CDH12: variants seen among roughly 807,000 people sequenced by gnomAD.
CDH12 encodes cadherin 12.
CDH12 carries 41 observed loss-of-function variants against 74.1 expected under a neutral mutation model. The ratio of observed to expected loss-of-function variants is 0.55; its 90% CI spans 0.43 to 0.72. The LOEUF (loss-of-function observed/expected upper bound fraction) is 0.72. Ranked by LOEUF, CDH12 falls within the 30% of genes least tolerant of loss-of-function variation. CDH12 has a pLI of 0.00. For missense variants in CDH12, 945 were observed against 977.2 expected, an observed-to-expected ratio of 0.97 and a Z score of 0.44; for synonymous variants, 399 against 355.0, an observed-to-expected ratio of 1.12 and a Z score of -1.39.
At chr5:22,565,369 T>A (rs1739238693) in intron 1 of CDH12, among the ~76,000 whole-genome samples, 1 of 152,196 alleles carries the variant, frequency 6.6e-6, no homozygotes, top group African/African-American at 2.4e-5. Flanking sequence ...ACCAACAGGG[T>A]AATAAGGTTC....
chr5:22,201,210 T>C (rs527381415), intron 4 of CDH12, among the ~76,000 whole-genome samples: 43 of 152,298 alleles, frequency 2.8e-4, no homozygotes, highest in Non-Finnish European at 5.3e-4. Flanking sequence ...GATGCAGCCA[T>C]ATTCACCATA....
At chr5:22,767,942 T>A (rs1403714985) in intron 1 of CDH12, among the ~76,000 whole-genome samples, 1 of 151,978 alleles carries the variant, frequency 6.6e-6, no homozygotes, top group East Asian at 1.9e-4. Context: ...TGGTCTATGA[T>A]TAAAGAGAAG....
intron 1 of CDH12, among the ~76,000 whole-genome samples, chr5:22,739,982 A>C (rs17358356): frequency 0.31 from 46,633 of 151,918 alleles, 7,418 homozygotes; most frequent in Non-Finnish European, 0.36. Flanking sequence ...CCTCTTGCTC[A>C]AGGACTAATG....
chr5:22,555,489 G>A (rs921552618), intron 1 of CDH12, among the ~76,000 whole-genome samples: 3 of 151,824 alleles, frequency 2.0e-5, no homozygotes, highest in African/African-American at 7.2e-5. Context: ...CCAATATTTT[G>A]TTCTTCCAGA....
rs187236354 is a variant in CDH12, at chr5:21,793,275, A to G, written c.1256+8892T>C. ...AATTGGTGTTAACAGTTTCTCTCAAATGAGAATAGCAAACAAACTATTTTG... is the reference window on the plus strand; with the variant it reads ...AATTGGTGTTAACAGTTTCTCTCAAGTGAGAATAGCAAACAAACTATTTTG... On this transcript the variant is annotated intron_variant, in intron 10 of 14. Transcript: ENST00000382254. Among the ~76,000 whole-genome samples, 687 of 151,792 alleles carry G rather than the reference A, an allele frequency of 4.5e-3. 4 individuals carry two copies. Among genetic ancestry groups the G allele is most frequent in the African/African-American group, 9.4e-3 (389 of 41,498 alleles).
chr5:22,088,352 C>G (rs1240842325), intron 4 of CDH12, among the ~76,000 whole-genome samples: 3 of 152,094 alleles, frequency 2.0e-5, no homozygotes, highest in Non-Finnish European at 4.4e-5. Context: ...TCCCCAGCCC[C>G]TCTCAGAGGA....
intron 3 of CDH12, among the ~76,000 whole-genome samples, chr5:22,227,590 T>C (rs879674390): frequency 1.3e-5 from 2 of 152,176 alleles, no homozygotes; most frequent in Non-Finnish European, 2.9e-5. Flanking sequence ...GAGAAAATTA[T>C]CTTGCATGAG....
At chr5:22,772,541 G>T (rs1290320205) in intron 1 of CDH12, among the ~76,000 whole-genome samples, 1 of 152,064 alleles carries the variant, frequency 6.6e-6, no homozygotes, top group Non-Finnish European at 1.5e-5. Flanking sequence ...TCAAAATGGG[G>T]TGTCGTTTTC....
chr5:22,666,579 C>T (rs1011004752), intron 1 of CDH12, among the ~76,000 whole-genome samples: 3 of 151,980 alleles, frequency 2.0e-5, no homozygotes, highest in Non-Finnish European at 4.4e-5. Context: ...CTTGAGCCAC[C>T]GCGCCCGGCC....
chr5:21,938,968 C>G (rs181703327), intron 6 of CDH12, among the ~76,000 whole-genome samples: 3,433 of 150,164 alleles, frequency 0.023, 143 homozygotes, highest in African/African-American at 0.08. Flanking sequence ...CACATGGGCA[C>G]AAAGATGTAT....
chr5:22,445,172 TA>T (rs2126549590), intron 2 of CDH12, among the ~76,000 whole-genome samples: 1 of 152,210 alleles, frequency 6.6e-6, no homozygotes, highest in East Asian at 1.9e-4. Flanking sequence ...AACCAATTTA[TA>T]GGAAACACAA....
chr5:22,219,766 G>A (rs962960770), intron 3 of CDH12, among the ~76,000 whole-genome samples: 1 of 151,546 alleles, frequency 6.6e-6, no homozygotes, highest in Non-Finnish European at 1.5e-5. Context: ...ATGAATCCTT[G>A]GGCTCGTTGC....
chr5:22,224,666 C>A (rs1752133693), intron 3 of CDH12, among the ~76,000 whole-genome samples: 1 of 151,886 alleles, frequency 6.6e-6, no homozygotes, highest in Non-Finnish European at 1.5e-5. Context: ...ACCTATGGGC[C>A]ACAATTTATC....
intron 2 of CDH12, among the ~76,000 whole-genome samples, chr5:22,472,811 C>T (rs1199458046): frequency 1.3e-5 from 2 of 152,064 alleles, no homozygotes; most frequent in Non-Finnish European, 2.9e-5. Flanking sequence ...AGCCATCTAC[C>T]AAGTCTTCCT....
At chr5:22,357,037 A>T (rs1219401368) in intron 3 of CDH12, among the ~76,000 whole-genome samples, 3 of 152,128 alleles carry the variant, frequency 2.0e-5, no homozygotes, top group African/African-American at 4.8e-5. Flanking sequence ...AATTAGGTGT[A>T]GCAATTTATC....
At chr5:22,459,713 G>A (rs1745423405) in intron 2 of CDH12, among the ~76,000 whole-genome samples, 1 of 152,088 alleles carries the variant, frequency 6.6e-6, no homozygotes, top group African/African-American at 2.4e-5. Flanking sequence ...AGTGGCTCAC[G>A]CTTGTAATCC....
intron 1 of CDH12, among the ~76,000 whole-genome samples, chr5:22,752,281 A>T (rs915430759): frequency 6.6e-6 from 1 of 152,108 alleles, no homozygotes; most frequent in Non-Finnish European, 1.5e-5. Context: ...ATTATAAGAA[A>T]AAAACCCTTA....
intron 8 of CDH12, among the ~76,000 whole-genome samples, chr5:21,823,244 A>T (rs1432419005): frequency 6.6e-6 from 1 of 152,122 alleles, no homozygotes. Flanking sequence ...TTAAACTGAG[A>T]ATCCGAGCTG....
At chr5:22,041,817 G>C (rs74948758) in intron 5 of CDH12, among the ~76,000 whole-genome samples, 4,107 of 152,078 alleles carry the variant, frequency 0.027, 183 homozygotes, top group African/African-American at 0.093. Context: ...GGGCCTAACA[G>C]GTATATAAAA....
Sources: gnomAD v4.1 joint callset for allele counts (sites outside exome capture counted in the v4.1 genomes callset) on GRCh38, gnomAD v4.1.1 for gene constraint, MANE v1.5 for transcripts, NCBI Gene and HGNC (gene_info 2026-07-23, HGNC 2026-07-21) for gene names.